The following DNMT1 variants were observed in gnomAD, a reference collection of about 807,000 sequenced individuals.
DNMT1 encodes DNA methyltransferase 1.
DNMT1 carries 24 observed loss-of-function variants against 205.3 expected under a neutral mutation model. The ratio of observed to expected loss-of-function variants is 0.12; its 90% CI spans 0.08 to 0.16. The LOEUF is 0.16. Ranked by LOEUF, DNMT1 falls within the 10% of genes least tolerant of loss-of-function variation. The pLI is 1.00. For synonymous variants in DNMT1, 817 were observed against 839.8 expected (o/e 0.97, Z 0.47); for missense variants, 1,293 against 2,177.7 (o/e 0.59, Z 8.09).
chr19:10,153,343 T>C (rs977667287), intron 22 of DNMT1, among the ~76,000 whole-genome samples: 1 of 151,934 alleles, frequency 6.6e-6, no homozygotes, highest in Non-Finnish European at 1.5e-5. Flanking sequence ...TAAAAACAAA[T>C]GATTTTAGGG....
At chr19:10,155,092 G>C in intron 19 of DNMT1, 36 bp from the exon 20 acceptor site, 1 of 1,613,084 alleles carries the variant, frequency 6.2e-7, no homozygotes. Flanking sequence ...AAAGGGGCTG[G>C]AATCTGATGG....
At position 10,162,738 on chromosome 19, in the gene DNMT1, G is replaced by A. The variant is rs1372902099; in HGVS notation, c.937C>T (p.Arg313Trp). Reference protein sequence around the residue: ...RSQPKDLAAKRRPEEKEPEKV... With the variant: ...RSQPKDLAAKWRPEEKEPEKV... ...TCAGGTTCTTTTTCTTCGGGCCTCC[G>A]TTTGGCAGCTCTGCAGGGTGAACAG... The change falls in exon 13 of 41, where the codon CGG (arginine) becomes TGG (tryptophan). Residue 313 changes from arginine (R) to tryptophan (W), a missense_variant. Transcript: ENST00000359526. 16 of 1,613,498 alleles carry A rather than the reference G, an allele frequency of 9.9e-6. No homozygotes were observed. The highest frequency in any genetic ancestry group is 1.6e-4 in the Middle Eastern group (1 of 6,082).
chr19:10,182,136 G>T, intron 1 of DNMT1, 59 bp from the exon 2 acceptor site: 1 of 1,533,542 alleles, frequency 6.5e-7, no homozygotes, highest in Non-Finnish European at 9.0e-7. Flanking sequence ...TCATTTGCCT[G>T]TAAGAATATC....
rs1404988242 is a variant in DNMT1 at position 10,179,281 on chromosome 19, A to G, written c.493+906T>C. ...TCTGCAACCTGTCACACTCATAGCCATGTTTTGGGATCTAATGCTGCAACT... is the reference window on the plus strand; with the variant it reads ...TCTGCAACCTGTCACACTCATAGCCGTGTTTTGGGATCTAATGCTGCAACT... On this transcript the variant is annotated intron_variant, in intron 5 of 40. Transcript: ENST00000359526. Among the ~76,000 whole-genome samples, 7 of 152,062 alleles carry G rather than the reference A, an allele frequency of 4.6e-5. No homozygotes were observed. The East Asian group carries it at 1.2e-3, about 25-fold the overall frequency.
intron 11 of DNMT1, among the ~76,000 whole-genome samples, chr19:10,164,669 C>G (rs576833792): frequency 6.6e-6 from 1 of 151,946 alleles, no homozygotes; most frequent in South Asian, 2.1e-4. Context: ...GCCTCACACA[C>G]ATAATCCCAG....
In DNMT1 at chr19:10,175,525, A is replaced by G. The variant is rs2038923570; in HGVS notation, c.648+15T>C. On this transcript the variant is annotated intron_variant, in intron 7 of 40. Transcript: ENST00000359526. ...AAGTTAAGGTAGAGTCAGGAAATGA[A>G]AGCACTGGCCCTACCTGGTCTTTGT... The G allele has an allele frequency of 6.2e-7, 1 of 1,613,894 alleles. No homozygotes were observed. The highest frequency in any genetic ancestry group is 1.7e-5 in the Admixed American group (1 of 59,978).
intron 19 of DNMT1, among the ~76,000 whole-genome samples, chr19:10,155,529 G>T (rs1204450434): frequency 1.3e-5 from 2 of 152,040 alleles, no homozygotes; most frequent in South Asian, 2.1e-4. Flanking sequence ...GTAGAGAGGG[G>T]GTTTCACCAT....
In DNMT1 at chr19:10,149,833, G is replaced by C. The variant is rs753707802; in HGVS notation, c.2381+20C>G. 1.2e-6 allele frequency: 2 copies of C among 1,613,412 alleles called. No homozygotes were observed. Among genetic ancestry groups the C allele is most frequent in the South Asian group, 2.2e-5 (2 of 91,062 alleles). On this transcript the variant is annotated intron_variant, in intron 25 of 40. Coordinates refer to ENST00000359526, the MANE Select transcript of DNMT1 (RefSeq NM_001130823.3). ...ATGAGAAAGTGCATGCAGAAGTCAA[G>C]CAAAAAGAAAGATGCAAACCTTGCT...
In DNMT1 at chr19:10,133,895, A is replaced by G. The variant is rs1454251422; in HGVS notation, c.4865-194T>C. Among the ~76,000 whole-genome samples, 2 of 152,202 alleles carry G rather than the reference A, an allele frequency of 1.3e-5. No individual in the cohort carries two copies. Among genetic ancestry groups the G allele is most frequent in the African/African-American group, 2.4e-5 (1 of 41,462 alleles). ...CCTCAAACGGTCCCCAGAGGGTTCT[A>G]GACCCAGAGGCTCAAGTGAGCAGCT... On this transcript the variant is annotated intron_variant, in intron 40 of 40. Coordinates refer to ENST00000359526, the MANE Select transcript of DNMT1 (RefSeq NM_001130823.3). The surrounding 1 kb of genome is among the most constrained non-coding windows in gnomAD (Gnocchi z 4.1).
intron 33 of DNMT1, 96 bp downstream of exon 33, chr19:10,139,950 G>A: frequency 4.4e-6 from 7 of 1,595,246 alleles, no homozygotes; most frequent in Non-Finnish European, 5.1e-6. Flanking sequence ...AGCTTCCGGG[G>A]GGCAGAGGCC....
chr19:10,137,944 C>T lies in DNMT1; in HGVS notation c.4181G>A (p.Arg1394Gln), dbSNP rs757243017. ...RDTMSDLPEV[R>Q]NGASALEISY... is the part of the protein sequence containing the mutation. Reference sequence around the variant, plus strand: ...GATCTCCAGTGCCGAGGCTCCATTCCGCACCTCCGGCAGGTCGGACATCGT... The same window carrying T: ...GATCTCCAGTGCCGAGGCTCCATTCTGCACCTCCGGCAGGTCGGACATCGT... The change falls in exon 36 of 41, where the codon CGG becomes CAG. Residue 1394 changes from arginine (R) to glutamine (Q), a missense_variant. This residue lies in a region of DNMT1 where 148 missense variants were observed against 256.1 expected (regional missense o/e 0.58). Coordinates refer to ENST00000359526, the MANE Select transcript of DNMT1 (RefSeq NM_001130823.3). The surrounding 1 kb of genome is among the most constrained non-coding windows in gnomAD (Gnocchi z 6.4). 18 of 1,612,072 alleles carry T rather than the reference C, an allele frequency of 1.1e-5. No homozygotes were observed. The highest frequency in any genetic ancestry group is 1.2e-5 in the Non-Finnish European group (14 of 1,179,368).
rs1568232605 is a variant in DNMT1, at chr19:10,151,960, G to A, written c.2020-113C>T. 1.0e-6 allele frequency: 1 copy of A among 998,114 alleles called. No homozygotes were observed. The highest frequency in any genetic ancestry group is 1.6e-5 in the African/African-American group (1 of 63,324). 61.8% of individuals were successfully genotyped at this position (998,114 alleles called of 1,614,324 possible). On this transcript the variant is annotated intron_variant, in intron 22 of 40. Coordinates refer to ENST00000359526, the MANE Select transcript of DNMT1 (RefSeq NM_001130823.3). The surrounding 1 kb of genome is among the most constrained non-coding windows in gnomAD (Gnocchi z 5.0). ...AGATCACTTAAGGTCAGGAATTGCA[G>A]ACCAGCCTGGCCAACGTGGTGAAAC...
At chr19:10,166,803 T>C (rs948937526) in intron 10 of DNMT1, 118 bp from the exon 11 acceptor site, 18 of 1,056,338 alleles carry the variant, frequency 1.7e-5, no homozygotes, top group East Asian at 2.5e-5. Flanking sequence ...ACAGGCTGCC[T>C]CTCCTGTCTT....
chr19:10,185,843 G>GAA (rs57377594), intron 1 of DNMT1, among the ~76,000 whole-genome samples: 4,341 of 70,716 alleles, frequency 0.061, 113 homozygotes, highest in Admixed American at 0.098. Flanking sequence ...TGTCTCAAAA[G>GAA]AAAAAAAAAA....
At chr19:10,171,804 CAAATAAAT>C (rs201700970) in intron 9 of DNMT1, among the ~76,000 whole-genome samples, 51,558 of 139,702 alleles carry the variant, frequency 0.37, 9,837 homozygotes, top group Non-Finnish European at 0.42. Flanking sequence ...GACTCCGTCT[CAAATAAAT>C]AAATAAATAA....
In DNMT1 at chr19:10,180,649, A is replaced by ATCT; in HGVS notation, c.226-81_226-80insAGA. ...ACAAGGAAACACATGTGTTTCCTTC[A>ATCT]TCATCATCATCATCATCATCATCAT... On this transcript the variant is annotated intron_variant, in intron 3 of 40. Transcript: ENST00000359526. 4 of 1,220,292 alleles carry ATCT rather than the reference A, an allele frequency of 3.3e-6. No individual in the cohort carries two copies. In the South Asian group the frequency reaches 5.0e-5, roughly 15 times the overall value. The allele number at this position is 1,220,292 out of a possible 1,614,324, so 75.6% of individuals were successfully genotyped here. A position where few individuals can be genotyped will look rare whatever the true frequency, so the allele number is the denominator to read the frequency against.
intron 11 of DNMT1, among the ~76,000 whole-genome samples, chr19:10,165,334 G>A (rs541412401): frequency 6.6e-6 from 1 of 152,248 alleles, no homozygotes; most frequent in African/African-American, 2.4e-5. Context: ...CTGTGCAAGG[G>A]GCCCCCTGGG....
intron 11 of DNMT1, 111 bp downstream of exon 11, chr19:10,166,487 T>G (rs2038695609): frequency 7.5e-7 from 1 of 1,327,302 alleles, no homozygotes; most frequent in African/African-American, 1.4e-5. Context: ...CCATGGAGCC[T>G]GGGTGGATGG....
At chr19:10,141,608 C>T in intron 30 of DNMT1, 3 of 338,582 alleles carry the variant, frequency 8.9e-6, no homozygotes, top group Non-Finnish European at 1.7e-5. Context: ...ATAACGAGGG[C>T]CACCCGCACA....
Sources: gnomAD v4.1 joint callset for allele counts (sites outside exome capture counted in the v4.1 genomes callset) on GRCh38, gnomAD v4.1.1 for gene constraint, gnomAD v4.1.1 regional missense constraint, Gnocchi (gnomAD v3.1) non-coding constraint, MANE v1.5 for transcripts, NCBI Gene and HGNC (gene_info 2026-07-23, HGNC 2026-07-21) for gene names.